Variants in FAM120C observed in about 807,000 individuals in gnomAD.
FAM120C encodes family with sequence similarity 120 member C, also known as constitutive coactivator of PPAR-gamma-like protein 2.
FAM120C carries 14 observed loss-of-function variants against 71.2 expected under a neutral mutation model. That is an observed-to-expected ratio of 0.20 (90% CI 0.13 to 0.31). The LOEUF (loss-of-function observed/expected upper bound fraction) is 0.31. Ranked by LOEUF, FAM120C falls within the 10% of genes least tolerant of loss-of-function variation. The pLI, the probability that FAM120C is intolerant of heterozygous loss-of-function variation, is 1.00. For missense variants in FAM120C, 500 were observed against 879.0 expected, an observed-to-expected ratio of 0.57 and a Z score of 5.45; for synonymous variants, 354 against 353.2, an observed-to-expected ratio of 1.00 and a Z score of -0.03.
intron 4 of FAM120C, among the ~76,000 whole-genome samples, chrX:54,143,228 G>C (rs1287699358): frequency 1.7e-4 from 19 of 110,753 alleles, no homozygotes; most frequent in Middle Eastern, 4.2e-3. Flanking sequence ...ATCTAAAATT[G>C]ACACCCTAAC....
chrX:54,171,302 T>C (rs2067286691), intron 1 of FAM120C, among the ~76,000 whole-genome samples: 1 of 110,951 alleles, frequency 9.0e-6, no homozygotes, highest in Non-Finnish European at 1.9e-5. Flanking sequence ...TCCTAGCTAC[T>C]GGGGAGGCTG....
chrX:54,080,999 A>AG (rs782645817), intron 14 of FAM120C, among the ~76,000 whole-genome samples: 2 of 109,197 alleles, frequency 1.8e-5, no homozygotes. Flanking sequence ...ACAAAACCCC[A>AG]GTTCTACCAA....
intron 13 of FAM120C, among the ~76,000 whole-genome samples, chrX:54,083,260 A>G (rs782527686): frequency 3.6e-5 from 4 of 110,555 alleles, no homozygotes; most frequent in African/African-American, 1.3e-4. Flanking sequence ...AGTTTATGAC[A>G]AGAAACCAAA....
In FAM120C at chrX:54,182,987, G is replaced by A; in HGVS notation, c.212C>T (p.Ala71Val). The A allele has an allele frequency of 3.4e-6, 4 of 1,161,036 alleles. No individual in the cohort carries two copies. The highest frequency in any genetic ancestry group is 4.6e-6 in the Non-Finnish European group (4 of 871,881). Residue 71 changes from alanine (A) to valine (V), a missense_variant, in exon 1 of 16, where the codon GCC becomes GTC. Coordinates refer to ENST00000375180, the MANE Select transcript of FAM120C (RefSeq NM_017848.6). ...VPLQPPLPPA[A>V]LGAYSGGAGP... is the part of the protein sequence containing the mutation. Reference sequence around the variant, plus strand: ...CGCGCCCCCGGAGTAGGCACCCAAGGCAGCGGGCGGAAGCGGCGGTTGCAG... The same window carrying A: ...CGCGCCCCCGGAGTAGGCACCCAAGACAGCGGGCGGAAGCGGCGGTTGCAG...
At chrX:54,173,443 T>C (rs1179477816) in intron 1 of FAM120C, among the ~76,000 whole-genome samples, 2 of 111,846 alleles carry the variant, frequency 1.8e-5, no homozygotes, top group Admixed American at 1.9e-4. Flanking sequence ...AGACAGGGTT[T>C]CTCCATGTTG....
intron 4 of FAM120C, among the ~76,000 whole-genome samples, chrX:54,144,183 T>C (rs1488387765): frequency 9.0e-6 from 1 of 111,248 alleles, no homozygotes; most frequent in African/African-American, 3.3e-5. Flanking sequence ...TAAGAGCTAT[T>C]TATGACAAAC....
At chrX:54,141,112 A>G (rs1350277230) in intron 4 of FAM120C, among the ~76,000 whole-genome samples, 1 of 111,571 alleles carries the variant, frequency 9.0e-6, no homozygotes, top group Admixed American at 9.6e-5. Flanking sequence ...AATAACACCA[A>G]TTCTACAAAA....
chrX:54,083,478 C>CACACACACACACACACACACA (rs782758591), intron 13 of FAM120C, among the ~76,000 whole-genome samples: 1 of 101,787 alleles, frequency 9.8e-6, no homozygotes, highest in African/African-American at 3.9e-5. Context: ...CACACACACA[C>CACACACACACACACACACACA]CAAAATATTA....
intron 10 of FAM120C, among the ~76,000 whole-genome samples, chrX:54,100,327 T>G (rs1304107530): frequency 9.0e-6 from 1 of 110,537 alleles, no homozygotes; most frequent in Non-Finnish European, 1.9e-5. Context: ...CCATCTCTAC[T>G]AAAAATACAA....
intron 1 of FAM120C, among the ~76,000 whole-genome samples, chrX:54,178,202 T>C (rs1473339251): frequency 8.9e-6 from 1 of 112,285 alleles, no homozygotes; most frequent in Admixed American, 9.4e-5. Flanking sequence ...AGACTGAAAC[T>C]GTAGAAAGGA....
intron 1 of FAM120C, among the ~76,000 whole-genome samples, chrX:54,167,787 A>G (rs2067267144): frequency 1.0e-5 from 1 of 97,186 alleles, no homozygotes; most frequent in Non-Finnish European, 2.0e-5. Flanking sequence ...CAATATGGTG[A>G]AACCCCGTCT....
At chrX:54,087,262 G>A (rs1331229318) in intron 12 of FAM120C, among the ~76,000 whole-genome samples, 1 of 107,500 alleles carries the variant, frequency 9.3e-6, no homozygotes, top group Non-Finnish European at 1.9e-5. Context: ...GCAGTGAGCC[G>A]AGGTCACGCC....
intron 15 of FAM120C, among the ~76,000 whole-genome samples, chrX:54,079,588 G>A (rs782736111): frequency 8.9e-6 from 1 of 112,091 alleles, no homozygotes; most frequent in East Asian, 2.8e-4. Flanking sequence ...GCCTGAGGTC[G>A]GGAGTTCGAG....
chrX:54,169,628 C>G (rs1480840483), intron 1 of FAM120C, among the ~76,000 whole-genome samples: 1 of 111,902 alleles, frequency 8.9e-6, no homozygotes, highest in East Asian at 2.8e-4. Context: ...CTAACTTGGG[C>G]TGAGTTCTGT....
At chrX:54,103,533 C>T (rs143060899) in intron 10 of FAM120C, among the ~76,000 whole-genome samples, 98 of 111,712 alleles carry the variant, frequency 8.8e-4, no homozygotes, top group African/African-American at 3.1e-3. Context: ...ATGTTTTCTC[C>T]CCAAATACAA....
rs1405935695 is a variant in FAM120C, at chrX:54,072,418, A to C, written c.*615T>G. The C allele has an allele frequency of 9.0e-6, 1 of 110,541 alleles. No individual in the cohort carries two copies. The highest frequency in any genetic ancestry group is 1.9e-5 in the Non-Finnish European group (1 of 52,876). The allele number at this position is 110,541 out of a possible 1,213,427, so 9.1% of individuals were successfully genotyped here. On this transcript the variant is annotated 3_prime_UTR_variant, in exon 16 of 16. Transcript: ENST00000375180. The stretch of plus-strand genomic sequence containing the variant: ...TTTTTTTGAAGTGTATAAAATAAAA[A>C]ATAAAAATTAAAATAACCAATACTA...
intron 10 of FAM120C, among the ~76,000 whole-genome samples, chrX:54,116,135 T>C (rs782696680): frequency 2.7e-5 from 3 of 111,853 alleles, no homozygotes; most frequent in Admixed American, 9.6e-5. Context: ...ATACCATTCA[T>C]GCCATAAAAG....
At chrX:54,167,710 T>TGGTGGCA (rs782262414) in intron 1 of FAM120C, among the ~76,000 whole-genome samples, 1 of 109,986 alleles carries the variant, frequency 9.1e-6, no homozygotes, top group South Asian at 3.9e-4. Flanking sequence ...CTCATGCCTG[T>TGGTGGCA]AATCCCAGCA....
chrX:54,112,059 A>G (rs1557125821), intron 10 of FAM120C, among the ~76,000 whole-genome samples: 4 of 112,109 alleles, frequency 3.6e-5, no homozygotes, highest in African/African-American at 1.3e-4. Flanking sequence ...TGGTATTGGG[A>G]TAGCTGGTTA....
Sources: gnomAD v4.1 joint callset for allele counts (sites outside exome capture counted in the v4.1 genomes callset) on GRCh38, gnomAD v4.1.1 for gene constraint, MANE v1.5 for transcripts, NCBI Gene and HGNC (gene_info 2026-07-23, HGNC 2026-07-21) for gene names.